The following STARD9 variants were observed in gnomAD, a reference collection of about 807,000 sequenced individuals.
STARD9 encodes the protein StAR related lipid transfer domain containing 9, also known as stAR-related lipid transfer protein 9.
A neutral mutation model predicts 399.8 loss-of-function variants in STARD9; 346 were observed. The observed-to-expected ratio is 0.87, with a 90% CI of 0.79 to 0.95. STARD9 has a LOEUF of 0.95. Ranked by LOEUF, STARD9 falls within the 40% of genes least tolerant of loss-of-function variation. The probability of loss-of-function intolerance (pLI) is 0.00; values close to 1 mark genes in which losing one functional copy is unlikely to be tolerated. For missense variants in STARD9, 5,832 were observed against 5,667.5 expected, an observed-to-expected ratio of 1.03 and a Z score of -0.93; for synonymous variants, 2,203 against 2,143.5, an observed-to-expected ratio of 1.03 and a Z score of -0.77.
chr15:42,649,552 A>G (rs1239298965), intron 7 of STARD9, among the ~76,000 whole-genome samples: 1 of 151,816 alleles, frequency 6.6e-6, no homozygotes, highest in Non-Finnish European at 1.5e-5. Context: ...GAAAATATTA[A>G]GCAGAGTTAC....
intron 16 of STARD9, chr15:42,670,295 G>T (rs1318963321): frequency 3.3e-5 from 5 of 152,172 alleles, no homozygotes; most frequent in Non-Finnish European, 7.3e-5. Flanking sequence ...GTGTGATGGT[G>T]GGGGAAGAGG....
At chr15:42,698,911 T>G (rs1318739332) in intron 26 of STARD9, among the ~76,000 whole-genome samples, 1 of 152,134 alleles carries the variant, frequency 6.6e-6, no homozygotes, top group Non-Finnish European at 1.5e-5. Context: ...AGGGGTCCCC[T>G]TTCCTTATAC....
chr15:42,686,641 C>A lies in STARD9; in HGVS notation c.5063C>A (p.Pro1688His), dbSNP rs756942770. 1 of 1,537,268 alleles carries A rather than the reference C, an allele frequency of 6.5e-7. No individual in the cohort carries two copies. Among genetic ancestry groups the A allele is most frequent in the South Asian group, 1.2e-5 (1 of 84,058 alleles). The change falls in exon 23 of 33, where the codon CCC becomes CAC. Residue 1688 changes from proline to histidine, a missense_variant. Pro to His is a moderately conservative substitution (Grantham distance 77). Around this residue, in one of 2 missense-constraint regions of STARD9, gnomAD observed 5,828 missense variants for 5,651.1 expected, o/e 1.03. Transcript: ENST00000290607. ...GCAGTCCAGCCAGGGCAATTAAGTC[C>A]CGACAGCCACTACCCACTAGAGGAA... ...NSAVQPGQLSPDSHYPLEEEK... is the reference protein window; with the variant it reads ...NSAVQPGQLSHDSHYPLEEEK...
At chr15:42,585,068 A>G (rs1220466427) in intron 2 of STARD9, among the ~76,000 whole-genome samples, 3 of 152,352 alleles carry the variant, frequency 2.0e-5, no homozygotes, top group South Asian at 2.1e-4. Flanking sequence ...TAAAGTGTAT[A>G]TGAAACATAA....
chr15:42,656,304 G>A (rs1249375830), intron 9 of STARD9, among the ~76,000 whole-genome samples: 1 of 113,364 alleles, frequency 8.8e-6, no homozygotes, highest in African/African-American at 3.5e-5. Flanking sequence ...CCGAGATCAT[G>A]CCACTGCACT....
At chr15:42,683,117 C>G (rs1248082935) in intron 22 of STARD9, among the ~76,000 whole-genome samples, 1 of 152,232 alleles carries the variant, frequency 6.6e-6, no homozygotes, top group Non-Finnish European at 1.5e-5. Flanking sequence ...GCTGTATTAT[C>G]TCCCAGACTC....
chr15:42,699,048 A>G (rs1341906177), intron 26 of STARD9, among the ~76,000 whole-genome samples: 1 of 152,104 alleles, frequency 6.6e-6, no homozygotes, highest in Non-Finnish European at 1.5e-5. Context: ...ATTTTATTAT[A>G]ATTGACACAT....
chr15:42,627,834 G>A (rs1318828692), intron 3 of STARD9, among the ~76,000 whole-genome samples: 1 of 152,156 alleles, frequency 6.6e-6, no homozygotes, highest in Admixed American at 6.5e-5. Context: ...TCTCTTGATG[G>A]ACATTTAGGT....
In STARD9 at chr15:42,688,147, G is replaced by T. The variant is rs1171753128; in HGVS notation, c.6569G>T (p.Cys2190Phe). Reference sequence around the variant, plus strand: ...GATTCTTTAGGGAAACACACAACTTGCAGAGAGTTCACCAACACTTCTCTT... The same window carrying T: ...GATTCTTTAGGGAAACACACAACTTTCAGAGAGTTCACCAACACTTCTCTT... ...ICDSLGKHTTCREFTNTSLHP... is the reference protein window; with the variant it reads ...ICDSLGKHTTFREFTNTSLHP... The change falls in exon 23 of 33, where the codon TGC (cysteine) becomes TTC (phenylalanine). Residue 2190 changes from cysteine to phenylalanine, a missense_variant. Cys to Phe is a radical substitution (Grantham distance 205). Around this residue, in one of 2 missense-constraint regions of STARD9, gnomAD observed 5,828 missense variants for 5,651.1 expected, o/e 1.03. Coordinates refer to ENST00000290607, the MANE Select transcript of STARD9 (RefSeq NM_020759.3). The T allele has an allele frequency of 6.5e-7, 1 of 1,537,420 alleles. No individual in the cohort carries two copies. Among genetic ancestry groups the T allele is most frequent in the East Asian group, 2.4e-5 (1 of 40,918 alleles).
intron 2 of STARD9, among the ~76,000 whole-genome samples, chr15:42,583,959 T>TA (rs2058224166): frequency 6.6e-6 from 1 of 152,102 alleles, no homozygotes; most frequent in South Asian, 2.1e-4. Flanking sequence ...TTACTGAACT[T>TA]AGAGTCATAA....
intron 7 of STARD9, among the ~76,000 whole-genome samples, chr15:42,639,372 G>T (rs1449433594): frequency 6.6e-6 from 1 of 152,216 alleles, no homozygotes; most frequent in Non-Finnish European, 1.5e-5. Flanking sequence ...TGGTAAACCA[G>T]TCCCCTTTCT....
intron 18 of STARD9, 55 bp from the exon 19 acceptor site, chr15:42,675,609 A>G: frequency 7.5e-7 from 1 of 1,326,776 alleles, no homozygotes; most frequent in Non-Finnish European, 1.0e-6. Context: ...TACACATAGT[A>G]TGTACTCCAA....
intron 16 of STARD9, 152 bp downstream of exon 16, chr15:42,669,489 C>A: frequency 1.7e-6 from 1 of 604,906 alleles, no homozygotes; most frequent in Non-Finnish European, 2.7e-6. Flanking sequence ...AAACGTCTAC[C>A]TGACAAATTG....
chr15:42,622,936 G>T (rs1474977407), intron 3 of STARD9, among the ~76,000 whole-genome samples: 1 of 152,168 alleles, frequency 6.6e-6, no homozygotes, highest in Non-Finnish European at 1.5e-5. Context: ...AGTGTGCTTT[G>T]AAATAAGTAA....
At position 42,695,173 on chromosome 15, in the gene STARD9, A is replaced by C; in HGVS notation, c.12996A>C (p.Thr4332=). The change falls in exon 25 of 33, where the codon ACA becomes ACC. Residue 4332 remains threonine, a synonymous_variant. Coordinates refer to ENST00000290607, the MANE Select transcript of STARD9 (RefSeq NM_020759.3). ...SPESVSRSAH[T]PSDIELMLQD... is the part of the protein sequence containing the mutation. ...AGTCAGTGTCAAGGTCAGCTCACAC[A>C]CCCTCTGACATAGAGTTGATGCTGC... is the stretch of plus-strand genomic sequence containing the variant. 6.5e-7 allele frequency: 1 copy of C among 1,536,260 alleles called. No individual in the cohort carries two copies. The highest frequency in any genetic ancestry group is 8.7e-7 in the Non-Finnish European group (1 of 1,146,360).
At chr15:42,598,101 G>A (rs900180329) in intron 3 of STARD9, among the ~76,000 whole-genome samples, 1 of 150,044 alleles carries the variant, frequency 6.7e-6, no homozygotes, top group Non-Finnish European at 1.5e-5. Flanking sequence ...GTGCGATCTC[G>A]GCTCACTGCA....
chr15:42,665,925 T>C (rs2060092342), intron 15 of STARD9, 77 bp downstream of exon 15: 1 of 1,253,024 alleles, frequency 8.0e-7, no homozygotes, highest in African/African-American at 1.5e-5. Context: ...TAGGTAGGGT[T>C]GCTCCCTTGG....
intron 3 of STARD9, among the ~76,000 whole-genome samples, chr15:42,608,573 A>G (rs899259002): frequency 3.5e-4 from 54 of 152,350 alleles, no homozygotes; most frequent in Admixed American, 1.1e-3. Context: ...ATAGGCAGGA[A>G]TGAATGTTAA....
chr15:42,703,585 C>T (rs181986747), intron 26 of STARD9, among the ~76,000 whole-genome samples: 46 of 149,786 alleles, frequency 3.1e-4, no homozygotes, highest in African/African-American at 1.1e-3. Context: ...ATGTTGGTCA[C>T]GCTGGTCTTG....
Sources: allele counts gnomAD v4.1 joint callset (sites outside exome capture counted in the v4.1 genomes callset), GRCh38; gene constraint gnomAD v4.1.1; regional missense constraint gnomAD v4.1.1; transcripts MANE v1.5; gene names NCBI Gene and HGNC (gene_info 2026-07-23, HGNC 2026-07-21).